Variants in WWOX observed in about 807,000 individuals in gnomAD.
WWOX encodes WW domain containing oxidoreductase, also known as WW domain-containing oxidoreductase.
WWOX carries 69 observed loss-of-function variants against 46.2 expected under a neutral mutation model. The observed-to-expected ratio is 1.49, with a 90% CI of 1.23 to 1.82. The LOEUF (loss-of-function observed/expected upper bound fraction) is 1.82, where lower values mean the gene tolerates loss of function less well. Ranked by LOEUF, WWOX falls within the 40% of genes most tolerant of loss-of-function variation. WWOX has a pLI of 0.00. For missense variants in WWOX, 919 were observed against 542.6 expected (o/e 1.69, Z -6.89); for synonymous variants, 359 against 202.6 (o/e 1.77, Z -6.56).
At chr16:79,036,524 C>T (rs984920016) in intron 8 of WWOX, among the ~76,000 whole-genome samples, 4 of 152,200 alleles carry the variant, frequency 2.6e-5, no homozygotes, top group Non-Finnish European at 5.9e-5. Flanking sequence ...TAAGGAAGTG[C>T]CAGAGTCAGG....
intron 5 of WWOX, among the ~76,000 whole-genome samples, chr16:78,383,098 A>T (rs376451815): frequency 1.3e-4 from 19 of 150,954 alleles, no homozygotes; most frequent in African/African-American, 4.1e-4. Flanking sequence ...GGATGGCACT[A>T]AGCTGTTTTT....
intron 8 of WWOX, among the ~76,000 whole-genome samples, chr16:78,460,359 C>T (rs2083921320): frequency 1.3e-5 from 2 of 152,114 alleles, no homozygotes; most frequent in South Asian, 4.2e-4. Context: ...AACTACTGAC[C>T]TCTCCTCGGC....
chr16:78,198,760 T>G (rs1221310918), intron 5 of WWOX, among the ~76,000 whole-genome samples: 2 of 152,194 alleles, frequency 1.3e-5, no homozygotes, highest in African/African-American at 4.8e-5. Flanking sequence ...TTTTGTATAT[T>G]TCGCATATGT....
In WWOX at chr16:78,235,398, G is replaced by A. The variant is rs533303348; in HGVS notation, c.516+71109G>A. Among the ~76,000 whole-genome samples, 4 of 152,248 alleles carry A rather than the reference G, an allele frequency of 2.6e-5. No individual in the cohort carries two copies. The South Asian group carries it at 8.3e-4, about 32-fold the overall frequency. ...CTCATCTGACCCCTGGTGGCAGGGA[G>A]TGGAGGTGCACTCAGGATGCTCTTG... On this transcript the variant is annotated intron_variant, in intron 5 of 8. Coordinates refer to ENST00000566780, the MANE Select transcript of WWOX (RefSeq NM_016373.4).
At chr16:78,875,997 T>C (rs757110675) in intron 8 of WWOX, among the ~76,000 whole-genome samples, 7 of 152,308 alleles carry the variant, frequency 4.6e-5, no homozygotes, top group African/African-American at 1.4e-4. Flanking sequence ...ATACCCACTT[T>C]AGGTCTCCCA....
chr16:78,455,395 T>G (rs545635356), intron 8 of WWOX, among the ~76,000 whole-genome samples: 26 of 152,038 alleles, frequency 1.7e-4, no homozygotes, highest in African/African-American at 6.0e-4. Flanking sequence ...GATTCCAGCA[T>G]TTTGGGAGGC....
intron 8 of WWOX, among the ~76,000 whole-genome samples, chr16:78,860,020 G>A (rs1488131233): frequency 1.3e-5 from 2 of 152,052 alleles, no homozygotes; most frequent in Non-Finnish European, 2.9e-5. Context: ...GCATTTTCAC[G>A]AGTAAACTTT....
chr16:79,032,917 G>A (rs922534427), intron 8 of WWOX, among the ~76,000 whole-genome samples: 8 of 151,166 alleles, frequency 5.3e-5, no homozygotes, highest in Admixed American at 4.6e-4. Context: ...TCTCCCTCCT[G>A]CCACCCTCCA....
At chr16:78,647,095 G>T (rs2046861964) in intron 8 of WWOX, among the ~76,000 whole-genome samples, 2 of 152,168 alleles carry the variant, frequency 1.3e-5, no homozygotes, top group Admixed American at 1.3e-4. Flanking sequence ...GCCAAGCCTT[G>T]AGGATGTGAA....
chr16:78,422,784 TACAC>T (rs1305395657), intron 6 of WWOX, among the ~76,000 whole-genome samples: 33 of 107,266 alleles, frequency 3.1e-4, no homozygotes, highest in African/African-American at 1.8e-3. Flanking sequence ...CATATATATA[TACAC>T]ACACACATAT....
At position 78,561,322 on chromosome 16, in the gene WWOX, A is replaced by G. The variant is rs139125666; in HGVS notation, c.1056+128570A>G. On this transcript the variant is annotated intron_variant, in intron 8 of 8. Coordinates refer to ENST00000566780, the MANE Select transcript of WWOX (RefSeq NM_016373.4). ...ATTTCAAGGGCTCAGAAACTCTCTCATGCATGTAGTTCCCTCCTGCTTTGA... is the reference window on the plus strand; with the variant it reads ...ATTTCAAGGGCTCAGAAACTCTCTCGTGCATGTAGTTCCCTCCTGCTTTGA... 1.5e-3 allele frequency among the ~76,000 whole-genome samples: 234 copies of G among 151,008 alleles called. 3 individuals are homozygous for G. Among genetic ancestry groups the G allele is most frequent in the African/African-American group, 5.5e-3 (226 of 41,178 alleles).
chr16:78,956,164 G>A (rs1041059708), intron 8 of WWOX, among the ~76,000 whole-genome samples: 3 of 151,774 alleles, frequency 2.0e-5, no homozygotes, highest in Non-Finnish European at 4.4e-5. Context: ...TTGTTGTTTT[G>A]AGATGGAGTC....
chr16:79,197,039 C>G (rs776170361), intron 8 of WWOX, among the ~76,000 whole-genome samples: 5 of 152,142 alleles, frequency 3.3e-5, no homozygotes, highest in Non-Finnish European at 7.3e-5. Flanking sequence ...ATATTTAGGG[C>G]TCATATTGAC....
intron 5 of WWOX, among the ~76,000 whole-genome samples, chr16:78,265,127 A>G (rs1055284566): frequency 3.7e-4 from 56 of 150,024 alleles, no homozygotes; most frequent in African/African-American, 1.3e-3. Context: ...CAGCCTCCCA[A>G]GTTGCTGGGA....
Position 78,202,936 on chromosome 16 carries a change from G to C in WWOX, c.516+38647G>C, listed in dbSNP as rs746100816. 1.4e-4 allele frequency among the ~76,000 whole-genome samples: 21 copies of C among 151,694 alleles called. No individual in the cohort carries two copies. In the South Asian group the frequency reaches 2.1e-3, roughly 15 times the overall value. ...CTCAGCACTATAACTGATTTGAGAA[G>C]GTCAAAACAGAAAATAAAAACATGT... is the stretch of plus-strand genomic sequence containing the variant. On this transcript the variant is annotated intron_variant, in intron 5 of 8. Transcript: ENST00000566780.
At chr16:78,690,002 A>T (rs1350948065) in intron 8 of WWOX, among the ~76,000 whole-genome samples, 1 of 152,048 alleles carries the variant, frequency 6.6e-6, no homozygotes, top group Non-Finnish European at 1.5e-5. Flanking sequence ...CTGGGATTAC[A>T]GGTGCCCGCC....
chr16:78,979,351 G>C (rs1370528786), intron 8 of WWOX, among the ~76,000 whole-genome samples: 1 of 151,980 alleles, frequency 6.6e-6, no homozygotes, highest in African/African-American at 2.4e-5. Flanking sequence ...CATTGGTTTG[G>C]CTCCAAGTGA....
rs60560119 is a variant in WWOX, at chr16:78,734,841, C to CTTTTTTTT, written c.1056+302124_1056+302131dup. 3.3e-3 allele frequency among the ~76,000 whole-genome samples: 131 copies of CTTTTTTTT among 40,126 alleles called. 41 individuals carry two copies. Among genetic ancestry groups the CTTTTTTTT allele is most frequent in the Non-Finnish European group, 4.6e-3 (99 of 21,328 alleles). 26.3% of individuals were successfully genotyped at this position (40,126 alleles called of 152,430 possible). A position where few individuals can be genotyped will look rare whatever the true frequency, so the allele number is the denominator to read the frequency against. ...GATGACTCAGGTGGGGACTTCAGTC[C>CTTTTTTTT]TTTTTTTTTTTTTTTTTTTTTTTTT... On this transcript the variant is annotated intron_variant, in intron 8 of 8. Coordinates refer to ENST00000566780, the MANE Select transcript of WWOX (RefSeq NM_016373.4).
chr16:79,191,093 G>A (rs953129022), intron 8 of WWOX, among the ~76,000 whole-genome samples: 42 of 151,822 alleles, frequency 2.8e-4, no homozygotes, highest in African/African-American at 8.7e-4. Flanking sequence ...TTGCAGTGTC[G>A]CCCAGGCTGG....
Sources: gnomAD v4.1 joint callset for allele counts (sites outside exome capture counted in the v4.1 genomes callset) on GRCh38, gnomAD v4.1.1 for gene constraint, MANE v1.5 for transcripts, NCBI Gene and HGNC (gene_info 2026-07-23, HGNC 2026-07-21) for gene names.